The following ATXN7L1 variants were observed in gnomAD, a reference collection of about 807,000 sequenced individuals.
The protein encoded by ATXN7L1 is ataxin 7 like 1.
In ATXN7L1, 15 loss-of-function variants were observed where a neutral mutation model predicts 70.8. That is an observed-to-expected ratio of 0.21 (90% CI 0.14 to 0.33). The LOEUF (loss-of-function observed/expected upper bound fraction) is 0.33. Ranked by LOEUF, ATXN7L1 falls within the 10% of genes least tolerant of loss-of-function variation. The pLI, the probability that ATXN7L1 is intolerant of heterozygous loss-of-function variation, is 1.00. For missense variants in ATXN7L1, 975 were observed against 1,097.1 expected (o/e 0.89, Z 1.57); for synonymous variants, 440 against 445.1 (o/e 0.99, Z 0.14).
chr7:105,788,426 CAGA>C lies in ATXN7L1; in HGVS notation c.355+175_355+177del, dbSNP rs150759999. 2.2e-3 allele frequency: 1,315 copies of C among 587,694 alleles called. 12 individuals are homozygous for C. The highest frequency in any genetic ancestry group is 0.022 in the African/African-American group (1,161 of 53,634). 36.4% of individuals were successfully genotyped at this position (587,694 alleles called of 1,614,324 possible). A position where few individuals can be genotyped will look rare whatever the true frequency, so the allele number is the denominator to read the frequency against. On this transcript the variant is annotated intron_variant, in intron 3 of 11. Transcript: ENST00000419735. ...GTTCTGACAGGACTGCGGATTTCAG[CAGA>C]AGGACTACAGCTCCTAAAACAGCCT...
chr7:105,622,710 T>C (rs1795110270), intron 8 of ATXN7L1, among the ~76,000 whole-genome samples: 1 of 152,200 alleles, frequency 6.6e-6, no homozygotes, highest in Non-Finnish European at 1.5e-5. Context: ...GGCGGGGGCA[T>C]GTGACCCATT....
At chr7:105,734,123 A>G (rs1281397176) in intron 3 of ATXN7L1, among the ~76,000 whole-genome samples, 1 of 152,222 alleles carries the variant, frequency 6.6e-6, no homozygotes, top group Non-Finnish European at 1.5e-5. Context: ...CTCTGTAAAA[A>G]TCACTAAATT....
At position 105,796,807 on chromosome 7, in the gene ATXN7L1, C is replaced by A. The variant is rs1806058000; in HGVS notation, c.251-8099G>T. Among the ~76,000 whole-genome samples the A allele has an allele frequency of 7.9e-5, 12 of 152,300 alleles. 1 individual carries two copies. The South Asian group carries it at 2.5e-3, about 32-fold the overall frequency. ...CTTAAGGCAATATACAAAGATGTTT[C>A]TCCTTTGCTCTGACAGAATGATTTT... On this transcript the variant is annotated intron_variant, in intron 2 of 11. Transcript: ENST00000419735.
chr7:105,651,961 A>G (rs1799912096), intron 4 of ATXN7L1, among the ~76,000 whole-genome samples: 1 of 152,092 alleles, frequency 6.6e-6, no homozygotes, highest in African/African-American at 2.4e-5. Flanking sequence ...CTGGTCTGTT[A>G]GTCTCTCTTG....
intron 3 of ATXN7L1, among the ~76,000 whole-genome samples, chr7:105,743,312 G>C (rs1162460309): frequency 6.6e-6 from 1 of 152,116 alleles, no homozygotes; most frequent in African/African-American, 2.4e-5. Context: ...TGCTCCTATT[G>C]CCAACAGCTG....
chr7:105,626,377 G>T (rs1790049), intron 7 of ATXN7L1, among the ~76,000 whole-genome samples: 1 of 151,984 alleles, frequency 6.6e-6, no homozygotes, highest in Non-Finnish European at 1.5e-5. Flanking sequence ...TAGGGAGGGG[G>T]TATTTAGTGG....
intron 3 of ATXN7L1, among the ~76,000 whole-genome samples, chr7:105,688,273 G>T (rs1333449595): frequency 1.3e-5 from 2 of 152,246 alleles, no homozygotes; most frequent in Non-Finnish European, 2.9e-5. Flanking sequence ...CGGACACGGT[G>T]GTTCATGCCT....
At chr7:105,872,166 G>T (rs1391990252) in intron 2 of ATXN7L1, among the ~76,000 whole-genome samples, 4 of 151,994 alleles carry the variant, frequency 2.6e-5, no homozygotes, top group African/African-American at 9.7e-5. Context: ...CTAATTTTTT[G>T]TATTTTTAGT....
At chr7:105,754,902 A>G (rs1488460674) in intron 3 of ATXN7L1, among the ~76,000 whole-genome samples, 3 of 152,196 alleles carry the variant, frequency 2.0e-5, no homozygotes, top group African/African-American at 7.2e-5. Context: ...TTTCTTCCCA[A>G]ACATGACTTG....
intron 3 of ATXN7L1, among the ~76,000 whole-genome samples, chr7:105,728,483 A>C (rs540465648): frequency 6.6e-6 from 1 of 152,304 alleles, no homozygotes; most frequent in African/African-American, 2.4e-5. Context: ...GTATGAACTC[A>C]TGCTTAATAT....
At chr7:105,747,258 A>G (rs1396863354) in intron 3 of ATXN7L1, among the ~76,000 whole-genome samples, 3 of 152,196 alleles carry the variant, frequency 2.0e-5, no homozygotes, top group African/African-American at 7.2e-5. Context: ...CTGAGGGTTG[A>G]GTTCATCACT....
chr7:105,774,243 G>A (rs959960684), intron 3 of ATXN7L1, among the ~76,000 whole-genome samples: 3 of 152,048 alleles, frequency 2.0e-5, no homozygotes, highest in Non-Finnish European at 2.9e-5. Flanking sequence ...CTTCTTAAAC[G>A]CACCGGGAAA....
chr7:105,863,748 G>C (rs564679464), intron 2 of ATXN7L1, among the ~76,000 whole-genome samples: 130 of 152,290 alleles, frequency 8.5e-4, no homozygotes, highest in African/African-American at 2.9e-3. Context: ...TTGATAACAG[G>C]ATTTGCCTCA....
intron 5 of ATXN7L1, among the ~76,000 whole-genome samples, chr7:105,641,974 C>T (rs1798325908): frequency 6.6e-6 from 1 of 152,224 alleles, no homozygotes; most frequent in African/African-American, 2.4e-5. Context: ...AACCCGAGGA[C>T]AGTTTCTCTG....
intron 3 of ATXN7L1, among the ~76,000 whole-genome samples, chr7:105,668,734 T>C (rs968193003): frequency 2.6e-5 from 4 of 152,072 alleles, no homozygotes; most frequent in African/African-American, 9.7e-5. Context: ...GGTTACTTAC[T>C]AATTAAAACT....
At chr7:105,805,979 G>C (rs1807529008) in intron 2 of ATXN7L1, among the ~76,000 whole-genome samples, 1 of 152,192 alleles carries the variant, frequency 6.6e-6, no homozygotes, top group Admixed American at 6.5e-5. Context: ...TGCTGAGCTT[G>C]CTGGAACAAG....
intron 3 of ATXN7L1, among the ~76,000 whole-genome samples, chr7:105,766,210 T>C (rs1265805833): frequency 2.0e-5 from 3 of 150,878 alleles, no homozygotes; most frequent in Non-Finnish European, 2.9e-5. Context: ...GGACATAATC[T>C]GGTGGCTTTA....
chr7:105,806,547 C>T (rs1210267385), intron 2 of ATXN7L1, among the ~76,000 whole-genome samples: 1 of 152,108 alleles, frequency 6.6e-6, no homozygotes, highest in East Asian at 1.9e-4. Context: ...AAGAGGCAAG[C>T]TGGGGCCAGA....
intron 2 of ATXN7L1, among the ~76,000 whole-genome samples, chr7:105,850,547 G>C (rs1814721824): frequency 6.6e-6 from 1 of 152,232 alleles, no homozygotes; most frequent in African/African-American, 2.4e-5. Flanking sequence ...AAATAAGGCT[G>C]TGAGAGGTTA....
Sources: gnomAD v4.1 joint callset for allele counts (sites outside exome capture counted in the v4.1 genomes callset) on GRCh38, gnomAD v4.1.1 for gene constraint, MANE v1.5 for transcripts, NCBI Gene and HGNC (gene_info 2026-07-23, HGNC 2026-07-21) for gene names.